GRK7: variants seen among roughly 807,000 people sequenced by gnomAD.
GRK7 encodes the protein rhodopsin kinase GRK7.
Under a neutral mutation model 34.1 loss-of-function variants are expected in GRK7, and 24 were observed. The ratio of observed to expected loss-of-function variants is 0.70; its 90% CI spans 0.51 to 0.99. The LOEUF is 0.99. GRK7 is among the 50% of genes least tolerant of loss of function. The probability of loss-of-function intolerance (pLI) is 0.00; values close to 1 mark genes in which losing one functional copy is unlikely to be tolerated. For synonymous variants in GRK7, 256 were observed against 279.4 expected, an observed-to-expected ratio of 0.92 and a Z score of 0.84; for missense variants, 644 against 707.3, an observed-to-expected ratio of 0.91 and a Z score of 1.02.
intron 4 of GRK7, among the ~76,000 whole-genome samples, chr3:141,804,348 C>T (rs1034880052): frequency 1.3e-5 from 2 of 152,020 alleles, no homozygotes; most frequent in African/African-American, 2.4e-5. Context: ...TTCTCAATCC[C>T]ATCTCCCCTC....
rs550296305 is a variant in GRK7 at position 141,778,863 on chromosome 3, G to A, written c.579G>A (p.Glu193=). 3 of 1,612,200 alleles carry A rather than the reference G, an allele frequency of 1.9e-6. No homozygotes were observed. The highest frequency in any genetic ancestry group is 1.1e-5 in the South Asian group (1 of 90,686). Residue 193 remains glutamate (E), a synonymous_variant, in exon 3 of 6, where the codon GAG becomes GAA. Coordinates refer to ENST00000682958, the MANE Select transcript of GRK7 (RefSeq NM_139209.3). This position sits in a 1 kb window ranked among gnomAD's most constrained non-coding sequence, Gnocchi z 4.1. ...CAGTGTCAGACAAGTACTTCACTGAGTTCAGAGTGCTGGGGAAAGGTGGTT... is the reference window on the plus strand; with the variant it reads ...CAGTGTCAGACAAGTACTTCACTGAATTCAGAGTGCTGGGGAAAGGTGGTT... The part of the protein sequence containing the change: ...MQPVSDKYFT[E]FRVLGKGGFG...
chr3:141,807,919 G>C lies in GRK7; in HGVS notation c.1325G>C (p.Arg442Thr). 1 of 1,575,030 alleles carries C rather than the reference G, an allele frequency of 6.3e-7. No individual in the cohort carries two copies. The highest frequency in any genetic ancestry group is 8.6e-7 in the Non-Finnish European group (1 of 1,160,132). ...AKKPEQRLGS[R>T]EKSDDPRKHH... Reference sequence around the variant, plus strand: ...AAACCAGAGCAACGCTTAGGAAGCAGGTAAACTAGCATGTAACAGAGAGGA... The same window carrying C: ...AAACCAGAGCAACGCTTAGGAAGCACGTAAACTAGCATGTAACAGAGAGGA... The change falls in exon 5 of 6, where the codon AGA becomes ACA. Residue 442 changes from arginine (R) to threonine (T), a missense_variant and splice_region_variant. Coordinates refer to ENST00000682958, the MANE Select transcript of GRK7 (RefSeq NM_139209.3).
At chr3:141,775,891 G>C (rs2084636534) in intron 2 of GRK7, among the ~76,000 whole-genome samples, 1 of 151,878 alleles carries the variant, frequency 6.6e-6, no homozygotes, top group Non-Finnish European at 1.5e-5. Context: ...TGATTACTTA[G>C]GGATAAAAGA....
the GRK7 span, among the ~76,000 whole-genome samples, chr3:141,755,771 G>A: frequency 9.2e-5 from 14 of 151,982 alleles, no homozygotes; most frequent in Non-Finnish European, 1.9e-4. Flanking sequence ...TGGAAAACAG[G>A]CAGTTATTTT....
At chr3:141,808,436 C>T (rs980350015) in intron 5 of GRK7, among the ~76,000 whole-genome samples, 5 of 152,074 alleles carry the variant, frequency 3.3e-5, no homozygotes, top group Admixed American at 6.5e-5. Context: ...AGTAGAAGGC[C>T]GGGCAGGGTG....
chr3:141,769,151 AG>A (rs1397682922), intron 1 of GRK7, among the ~76,000 whole-genome samples: 1 of 152,062 alleles, frequency 6.6e-6, no homozygotes, highest in Non-Finnish European at 1.5e-5. Flanking sequence ...GACATCTCCC[AG>A]GCACCCCAAA....
intron 4 of GRK7, among the ~76,000 whole-genome samples, chr3:141,796,716 C>T (rs568909584): frequency 2.6e-5 from 4 of 152,292 alleles, no homozygotes; most frequent in African/African-American, 9.6e-5. Flanking sequence ...TATGCCTCAG[C>T]CTGCTGCCAG....
At position 141,807,809 on chromosome 3, in the gene GRK7, A is replaced by C. The variant is rs1456293713; in HGVS notation, c.1215A>C (p.Gln405His). Residue 405 changes from glutamine to histidine, a missense_variant, in exon 5 of 6, where the codon CAA becomes CAC. Transcript: ENST00000682958. ...KEKVSKEDLK[Q>H]RTLQDEVKFQ... ...AGGTCAGTAAAGAGGATCTGAAGCA[A>C]AGAACTCTGCAAGACGAGGTCAAAT... 1.2e-6 allele frequency: 2 copies of C among 1,614,210 alleles called. No individual in the cohort carries two copies. Among genetic ancestry groups the C allele is most frequent in the East Asian group, 4.5e-5 (2 of 44,886 alleles).
chr3:141,768,662 G>A (rs1190546027), intron 1 of GRK7, among the ~76,000 whole-genome samples: 1 of 151,978 alleles, frequency 6.6e-6, no homozygotes, highest in Non-Finnish European at 1.5e-5. Context: ...CCCATCATAT[G>A]TCTCTCCCTT....
At chr3:141,808,859 A>G (rs974974948) in intron 5 of GRK7, among the ~76,000 whole-genome samples, 1 of 152,184 alleles carries the variant, frequency 6.6e-6, no homozygotes, top group Admixed American at 6.6e-5. Context: ...GTGTGAATGT[A>G]CTTAACACTG....
chr3:141,780,460 G>A lies in GRK7; in HGVS notation c.699G>A (p.Glu233=). 6.2e-7 allele frequency: 1 copy of A among 1,614,254 alleles called. No individual in the cohort carries two copies. The highest frequency in any genetic ancestry group is 8.5e-7 in the Non-Finnish European group (1 of 1,180,042). The stretch of plus-strand genomic sequence containing the variant: ...AGCGGCTGAAGAAGAAAGGTGGCGA[G>A]AAGATGGCTCTCTTGGAAAAGGAAA... ...DKKRLKKKGG[E]KMALLEKEIL... Residue 233 remains glutamate (E), a synonymous_variant, in exon 4 of 6, where the codon GAG becomes GAA. Coordinates refer to ENST00000682958, the MANE Select transcript of GRK7 (RefSeq NM_139209.3).
chr3:141,776,102 G>C (rs1254808206), intron 2 of GRK7, among the ~76,000 whole-genome samples: 1 of 152,036 alleles, frequency 6.6e-6, no homozygotes. Context: ...GGCTATCACA[G>C]TGAAACCCCA....
intron 4 of GRK7, among the ~76,000 whole-genome samples, chr3:141,784,242 T>G (rs1002487953): frequency 5.3e-5 from 8 of 152,092 alleles, no homozygotes; most frequent in Non-Finnish European, 7.4e-5. Flanking sequence ...TTTCTGTGCC[T>G]CCCCAGTGCT....
chr3:141,757,129 C>CTTTTTTTTTTTTTTTTCTT, the GRK7 span, among the ~76,000 whole-genome samples: 8 of 101,356 alleles, frequency 7.9e-5, no homozygotes, highest in Non-Finnish European at 1.3e-4. Context: ...AGATCTTCTT[C>CTTTTTTTTTTTTTTTTCTT]TTTTTTTTTT....
chr3:141,750,385 A>G, the GRK7 span, among the ~76,000 whole-genome samples: 1 of 152,224 alleles, frequency 6.6e-6, no homozygotes, highest in Non-Finnish European at 1.5e-5. Context: ...CTACAGTTTC[A>G]TAGTCAGCGC....
chr3:141,781,520 GA>G (rs2084672362), intron 4 of GRK7, among the ~76,000 whole-genome samples: 1 of 142,690 alleles, frequency 7.0e-6, no homozygotes, highest in Non-Finnish European at 1.5e-5. Flanking sequence ...CTGCTCGACA[GA>G]GCAAGACTCT....
At chr3:141,803,803 C>A (rs1442039741) in intron 4 of GRK7, among the ~76,000 whole-genome samples, 1 of 152,178 alleles carries the variant, frequency 6.6e-6, no homozygotes, top group Non-Finnish European at 1.5e-5. Context: ...CTCACTGCAA[C>A]CTCTGCCTCC....
At chr3:141,756,075 G>A in the GRK7 span, among the ~76,000 whole-genome samples, 1 of 151,700 alleles carries the variant, frequency 6.6e-6, no homozygotes, top group African/African-American at 2.4e-5. Flanking sequence ...ACTTTGCGAG[G>A]CCGAGGTGAG....
At chr3:141,751,571 T>C in the GRK7 span, among the ~76,000 whole-genome samples, 1 of 152,234 alleles carries the variant, frequency 6.6e-6, no homozygotes, top group Non-Finnish European at 1.5e-5. Flanking sequence ...GTTTCTATTG[T>C]ATGTAACAAC....
Sources: allele counts gnomAD v4.1 joint callset (sites outside exome capture counted in the v4.1 genomes callset), GRCh38; gene constraint gnomAD v4.1.1; non-coding constraint Gnocchi (gnomAD v3.1); transcripts MANE v1.5; gene names NCBI Gene and HGNC (gene_info 2026-07-23, HGNC 2026-07-21).